Variants in IQSEC1 observed in about 807,000 individuals in gnomAD.
The protein encoded by IQSEC1 is IQ motif and Sec7 domain ArfGEF 1, also known as IQ motif and SEC7 domain-containing protein 1.
In IQSEC1, 31 loss-of-function variants were observed where a neutral mutation model predicts 91.0. The ratio of observed to expected loss-of-function variants is 0.34; its 90% CI spans 0.26 to 0.46. The LOEUF (loss-of-function observed/expected upper bound fraction) is 0.46, where lower values mean the gene tolerates loss of function less well. Among genes scored for constraint, IQSEC1 ranks in the 20% least tolerant of loss-of-function variants. IQSEC1 has a pLI of 1.00. For missense variants in IQSEC1, 1,388 were observed against 1,575.6 expected, an observed-to-expected ratio of 0.88 and a Z score of 2.02; for synonymous variants, 699 against 662.6, an observed-to-expected ratio of 1.05 and a Z score of -0.84.
chr3:13,145,794 C>T (rs1033398103), intron 2 of IQSEC1, among the ~76,000 whole-genome samples: 10 of 35,910 alleles, frequency 2.8e-4, no homozygotes, highest in African/African-American at 4.1e-4. Flanking sequence ...TGAACCTGGG[C>T]GCCCGGGGGC....
At chr3:13,099,232 A>G (rs165567) in intron 2 of IQSEC1, among the ~76,000 whole-genome samples, 117,674 of 152,110 alleles carry the variant, frequency 0.77, 45,831 homozygotes, top group East Asian at 0.89. Context: ...TGAGACCTTC[A>G]GGGAAGTTGA....
intron 1 of IQSEC1, among the ~76,000 whole-genome samples, chr3:13,043,297 C>T (rs1704357478): frequency 6.6e-6 from 1 of 152,172 alleles, no homozygotes; most frequent in African/African-American, 2.4e-5. Flanking sequence ...GGCCCACCCT[C>T]ACCTCTCCCC....
chr3:13,198,960 G>A (rs1395601202), intron 1 of IQSEC1, among the ~76,000 whole-genome samples: 2 of 152,244 alleles, frequency 1.3e-5, no homozygotes, highest in African/African-American at 4.8e-5. Flanking sequence ...GGCTTGGGAG[G>A]CTGCCGGGCG....
At chr3:13,117,475 G>T (rs1023921913) in intron 2 of IQSEC1, among the ~76,000 whole-genome samples, 5 of 147,186 alleles carry the variant, frequency 3.4e-5, no homozygotes, top group Admixed American at 1.4e-4. Context: ...GGAGCCTGAG[G>T]CAGGGGAATC....
intron 1 of IQSEC1, among the ~76,000 whole-genome samples, chr3:13,046,363 C>A (rs543072945): frequency 5.3e-5 from 8 of 152,224 alleles, no homozygotes; most frequent in African/African-American, 1.9e-4. Context: ...CCTCCAGGAG[C>A]GCACGCGGCG....
chr3:12,946,469 C>A (rs1413262127), intron 1 of IQSEC1, among the ~76,000 whole-genome samples: 1 of 152,208 alleles, frequency 6.6e-6, no homozygotes, highest in Non-Finnish European at 1.5e-5. Context: ...TGCCGCCCAG[C>A]CCCTTTCCAT....
intron 2 of IQSEC1, among the ~76,000 whole-genome samples, chr3:13,088,057 C>T (rs143012062): frequency 2.1e-3 from 316 of 152,316 alleles, no homozygotes; most frequent in African/African-American, 7.1e-3. Context: ...CACAGTCCCC[C>T]CACCCTGTCT....
intron 1 of IQSEC1, among the ~76,000 whole-genome samples, chr3:13,009,809 G>A (rs1702799808): frequency 6.6e-6 from 1 of 152,094 alleles, no homozygotes; most frequent in South Asian, 2.1e-4. Flanking sequence ...CTATGTCTTA[G>A]GATCCCTCCT....
Position 12,900,073 on chromosome 3 carries a change from T to G in IQSEC1, c.*910A>C, listed in dbSNP as rs1694077329. 1.0e-6 allele frequency: 1 copy of G among 985,044 alleles called. No individual in the cohort carries two copies. The highest frequency in any genetic ancestry group is 1.2e-6 in the Non-Finnish European group (1 of 829,684). 61.0% of individuals were successfully genotyped at this position (985,044 alleles called of 1,614,324 possible). ...CAGCTTGTAACCAGCTGTCCTGAGT[T>G]GCTACTGTAGAGTGTACTGCAGTTT... is the stretch of plus-strand genomic sequence containing the variant. On this transcript the variant is annotated 3_prime_UTR_variant, in exon 14 of 14. Coordinates refer to ENST00000613206, the MANE Select transcript of IQSEC1 (RefSeq NM_001134382.3).
chr3:13,086,635 C>T (rs957071258), intron 2 of IQSEC1, among the ~76,000 whole-genome samples: 1 of 152,208 alleles, frequency 6.6e-6, no homozygotes, highest in Non-Finnish European at 1.5e-5. Context: ...TCTGCCACCC[C>T]GCACCTGCCT....
chr3:13,031,593 T>C (rs1703844586), intron 1 of IQSEC1, among the ~76,000 whole-genome samples: 1 of 152,186 alleles, frequency 6.6e-6, no homozygotes, highest in South Asian at 2.1e-4. Context: ...TCACAGATAT[T>C]GCTTGAGAAC....
chr3:13,140,690 G>A (rs142370403), intron 2 of IQSEC1, among the ~76,000 whole-genome samples: 14 of 152,318 alleles, frequency 9.2e-5, no homozygotes, highest in African/African-American at 3.1e-4. Context: ...CCCCAGCACA[G>A]GGAGCAATGC....
Position 12,935,906 on chromosome 3 carries a change from T to C in IQSEC1, c.1110A>G (p.Pro370=). The change falls in exon 3 of 14, where the codon CCA becomes CCG. Residue 370 remains proline, a synonymous_variant. Coordinates refer to ENST00000613206, the MANE Select transcript of IQSEC1 (RefSeq NM_001134382.3). This position sits in a 1 kb window ranked among gnomAD's most constrained non-coding sequence, Gnocchi z 8.0. ...VEHLPLLTIE[P]PSDSSVDLSD... ...TAAGGTCCACAGAGCTGTCGCTGGG[T>C]GGCTCGATGGTGAGCAGCGGCAGAT... The C allele has an allele frequency of 1.2e-6, 2 of 1,602,304 alleles. No individual in the cohort carries two copies. The highest frequency in any genetic ancestry group is 1.7e-6 in the Non-Finnish European group (2 of 1,179,530).
intron 12 of IQSEC1, among the ~76,000 whole-genome samples, chr3:12,904,859 A>C (rs1247894859): frequency 6.6e-6 from 1 of 152,188 alleles, no homozygotes; most frequent in East Asian, 1.9e-4. Context: ...TTGGGGGTCC[A>C]CATAGTGTCC....
chr3:13,120,673 A>C (rs947870456), intron 2 of IQSEC1, among the ~76,000 whole-genome samples: 1 of 152,206 alleles, frequency 6.6e-6, no homozygotes, highest in African/African-American at 2.4e-5. Flanking sequence ...TGGTGCACCA[A>C]GGGAGGAGGG....
chr3:13,005,335 C>T (rs1017069525), intron 1 of IQSEC1, among the ~76,000 whole-genome samples: 1 of 152,140 alleles, frequency 6.6e-6, no homozygotes, highest in South Asian at 2.1e-4. Context: ...CAGCCCAGGG[C>T]TCCCTGCTCT....
chr3:13,020,689 G>T (rs897917504), intron 1 of IQSEC1, among the ~76,000 whole-genome samples: 4 of 152,080 alleles, frequency 2.6e-5, no homozygotes, highest in Admixed American at 2.0e-4. Flanking sequence ...TAGAGATGAG[G>T]TCTTACTGTG....
chr3:12,922,868 G>A lies in IQSEC1; in HGVS notation c.1731-626C>T, dbSNP rs1575918176. On this transcript the variant is annotated intron_variant, in intron 4 of 13. Transcript: ENST00000613206. This position sits in a 1 kb window ranked among gnomAD's most constrained non-coding sequence, Gnocchi z 5.1. ...ACACCCTTCCAGTCCCTCCTATGGT[G>A]ACCCCTGAACAGAGAAGATGGAGTC... is the stretch of plus-strand genomic sequence containing the variant. 6.6e-6 allele frequency among the ~76,000 whole-genome samples: 1 copy of A among 152,106 alleles called. No homozygotes were observed. Among genetic ancestry groups the A allele is most frequent in the African/African-American group, 2.4e-5 (1 of 41,410 alleles).
At chr3:13,038,281 T>C (rs1576200657) in intron 1 of IQSEC1, among the ~76,000 whole-genome samples, 1 of 141,656 alleles carries the variant, frequency 7.1e-6, no homozygotes, top group South Asian at 2.3e-4. Context: ...TATATATATA[T>C]ATATATATAT....
Sources: gnomAD v4.1 joint callset for allele counts (sites outside exome capture counted in the v4.1 genomes callset) on GRCh38, gnomAD v4.1.1 for gene constraint, Gnocchi (gnomAD v3.1) non-coding constraint, MANE v1.5 for transcripts, NCBI Gene and HGNC (gene_info 2026-07-23, HGNC 2026-07-21) for gene names.